The following ZFAND3 variants were observed in gnomAD, a reference collection of about 807,000 sequenced individuals.
ZFAND3 encodes AN1-type zinc finger protein 3.
Under a neutral mutation model 29.6 loss-of-function variants are expected in ZFAND3, and 10 were observed. The ratio of observed to expected loss-of-function variants is 0.34; its 90% confidence interval spans 0.21 to 0.57. The LOEUF (loss-of-function observed/expected upper bound fraction) is 0.57, where lower values mean the gene tolerates loss of function less well. Ranked by LOEUF, ZFAND3 falls within the 20% of genes least tolerant of loss-of-function variation. ZFAND3 has a pLI of 0.86. For missense variants in ZFAND3, 230 were observed against 304.5 expected (o/e 0.76, Z 1.82); for synonymous variants, 128 against 112.6 (o/e 1.14, Z -0.87).
At chr6:38,121,223 AATT>A (rs2127486938) in intron 5 of ZFAND3, among the ~76,000 whole-genome samples, 1 of 152,290 alleles carries the variant, frequency 6.6e-6, no homozygotes, top group South Asian at 2.1e-4. Flanking sequence ...CTCTATGAAA[AATT>A]ATTGCCAGGC....
intron 2 of ZFAND3, among the ~76,000 whole-genome samples, chr6:38,006,390 AT>A (rs1350474517): frequency 3.9e-5 from 6 of 152,222 alleles, no homozygotes; most frequent in Admixed American, 6.5e-5. Flanking sequence ...TTATAAAAAA[AT>A]GTGAAATTTG....
At chr6:38,103,354 A>G (rs1419944966) in intron 4 of ZFAND3, among the ~76,000 whole-genome samples, 4 of 140,058 alleles carry the variant, frequency 2.9e-5, no homozygotes, top group East Asian at 2.2e-4. Context: ...GTATGTATAT[A>G]TATATATATA....
chr6:38,130,440 CT>C lies in ZFAND3; in HGVS notation c.529+13702del, dbSNP rs1354236381. 2.6e-5 allele frequency among the ~76,000 whole-genome samples: 4 copies of C among 152,186 alleles called. No individual in the cohort carries two copies. In the East Asian group the frequency reaches 7.7e-4, roughly 29 times the overall value. ...TTTTCCCCATTCAGTATTTTGTTGG[CT>C]GCAGGCTTGTCATAGATGGCTTTTA... On this transcript the variant is annotated intron_variant, in intron 5 of 5. Coordinates refer to ENST00000287218, the MANE Select transcript of ZFAND3 (RefSeq NM_021943.3).
chr6:37,962,972 A>G (rs369414407), intron 2 of ZFAND3, among the ~76,000 whole-genome samples: 1 of 151,874 alleles, frequency 6.6e-6, no homozygotes, highest in Non-Finnish European at 1.5e-5. Flanking sequence ...TAAGATCTAC[A>G]TGTAACGCTC....
chr6:38,094,944 A>G (rs1379377036), intron 4 of ZFAND3, among the ~76,000 whole-genome samples: 2 of 152,186 alleles, frequency 1.3e-5, no homozygotes, highest in African/African-American at 2.4e-5. Flanking sequence ...TTTGAGCACC[A>G]TGTTCCAGAG....
In ZFAND3 at chr6:38,079,681, C is replaced by T. The variant is rs576875515; in HGVS notation, c.296-2711C>T. Among the ~76,000 whole-genome samples the T allele has an allele frequency of 1.4e-4, 22 of 152,288 alleles. No homozygotes were observed. The South Asian group carries it at 4.6e-3, about 32-fold the overall frequency. On this transcript the variant is annotated intron_variant, in intron 3 of 5. Coordinates refer to ENST00000287218, the MANE Select transcript of ZFAND3 (RefSeq NM_021943.3). Reference sequence around the variant, plus strand: ...TTAGTTAAGCTGTTACCCTTGTGCACTGTGCAGCTCATGGTGTTATGGGAA... The same window carrying T: ...TTAGTTAAGCTGTTACCCTTGTGCATTGTGCAGCTCATGGTGTTATGGGAA...
At position 38,082,157 on chromosome 6, in the gene ZFAND3, G is replaced by T. The variant is rs57374526; in HGVS notation, c.296-235G>T. Among the ~76,000 whole-genome samples the T allele has an allele frequency of 0.086, 12,517 of 145,076 alleles. 737 individuals are homozygous for T. The highest frequency in any genetic ancestry group is 0.28 in the East Asian group (1,431 of 5,052). On this transcript the variant is annotated intron_variant, in intron 3 of 5. Coordinates refer to ENST00000287218, the MANE Select transcript of ZFAND3 (RefSeq NM_021943.3). ...AGACTCGGCTGTTTTTTTTTTTTTT[G>T]TGTGTGAAAAGCATGTTAGAATGTA...
rs544125276 is a variant in ZFAND3 at position 37,839,152 on chromosome 6, T to A, written c.71+19136T>A. Among the ~76,000 whole-genome samples the A allele has an allele frequency of 1.9e-3, 288 of 152,108 alleles. 1 individual carries two copies. Among genetic ancestry groups the A allele is most frequent in the African/African-American group, 6.7e-3 (277 of 41,480 alleles). On this transcript the variant is annotated intron_variant, in intron 1 of 5. Coordinates refer to ENST00000287218, the MANE Select transcript of ZFAND3 (RefSeq NM_021943.3). ...ATATTTTGCATGTTTTAAAATTGAG[T>A]TGTATGCCTTTTTACTTGTAAGTTG...
chr6:38,040,949 C>T (rs1763748331), intron 2 of ZFAND3, among the ~76,000 whole-genome samples: 1 of 152,206 alleles, frequency 6.6e-6, no homozygotes, highest in Admixed American at 6.5e-5. Flanking sequence ...TAACTATTCC[C>T]TGCTGCCGCC....
chr6:37,839,388 G>A (rs1017636961), intron 1 of ZFAND3, among the ~76,000 whole-genome samples: 3 of 152,032 alleles, frequency 2.0e-5, no homozygotes, highest in African/African-American at 7.2e-5. Context: ...CACCGTGTTA[G>A]CTGGGATGGT....
chr6:37,986,575 A>G (rs1279062835), intron 2 of ZFAND3, among the ~76,000 whole-genome samples: 1 of 152,108 alleles, frequency 6.6e-6, no homozygotes, highest in Non-Finnish European at 1.5e-5. Context: ...ATAAGCGTTT[A>G]ATTAGTGAAA....
intron 2 of ZFAND3, among the ~76,000 whole-genome samples, chr6:37,988,332 A>G (rs1172224579): frequency 1.3e-5 from 2 of 152,180 alleles, no homozygotes; most frequent in Non-Finnish European, 2.9e-5. Context: ...TGGTCTCAAT[A>G]TGTATCTCCA....
At chr6:38,144,835 T>C (rs1385339428) in intron 5 of ZFAND3, among the ~76,000 whole-genome samples, 2 of 152,206 alleles carry the variant, frequency 1.3e-5, no homozygotes, top group South Asian at 4.1e-4. Context: ...TCCAAAAGTA[T>C]CCAGAGCTGT....
intron 2 of ZFAND3, among the ~76,000 whole-genome samples, chr6:37,972,120 C>G (rs1400217153): frequency 6.6e-6 from 1 of 152,130 alleles, no homozygotes; most frequent in African/African-American, 2.4e-5. Flanking sequence ...GTTAAACAGC[C>G]TCTCTCCTAT....
intron 1 of ZFAND3, among the ~76,000 whole-genome samples, chr6:37,902,535 A>G (rs927405701): frequency 6.6e-6 from 1 of 152,140 alleles, no homozygotes; most frequent in African/African-American, 2.4e-5. Flanking sequence ...ATATAACGTT[A>G]GTAAAAATTA....
chr6:37,892,840 A>T (rs929744746), intron 1 of ZFAND3, among the ~76,000 whole-genome samples: 4 of 152,336 alleles, frequency 2.6e-5, no homozygotes, highest in African/African-American at 9.6e-5. Flanking sequence ...ACACCAGCAG[A>T]TTATATAACT....
intron 5 of ZFAND3, among the ~76,000 whole-genome samples, chr6:38,120,828 TTTCTC>T (rs1378959219): frequency 2.6e-5 from 4 of 152,208 alleles, no homozygotes; most frequent in Non-Finnish European, 5.9e-5. Flanking sequence ...CAAAATAAGT[TTTCTC>T]TTCACTTTAG....
chr6:37,904,746 G>C (rs1268062340), intron 1 of ZFAND3, among the ~76,000 whole-genome samples: 1 of 152,164 alleles, frequency 6.6e-6, no homozygotes, highest in Non-Finnish European at 1.5e-5. Flanking sequence ...TCATGTCCCT[G>C]CTAATAATAA....
chr6:38,058,597 A>G (rs1764176400), intron 2 of ZFAND3, among the ~76,000 whole-genome samples: 1 of 152,144 alleles, frequency 6.6e-6, no homozygotes, highest in Non-Finnish European at 1.5e-5. Flanking sequence ...CATTCATTGC[A>G]CTCACTAGTG....
Sources: allele counts gnomAD v4.1 joint callset (sites outside exome capture counted in the v4.1 genomes callset), GRCh38; gene constraint gnomAD v4.1.1; transcripts MANE v1.5; gene names NCBI Gene and HGNC (gene_info 2026-07-23, HGNC 2026-07-21).